The following PLEKHA8 variants were observed in gnomAD, a reference collection of about 807,000 sequenced individuals.
PLEKHA8 encodes pleckstrin homology domain-containing family A member 8.
In PLEKHA8, 36 loss-of-function variants were observed where a neutral mutation model predicts 68.2. The ratio of observed to expected loss-of-function variants is 0.53; its 90% CI spans 0.40 to 0.70. The LOEUF (loss-of-function observed/expected upper bound fraction) is 0.70, where lower values mean the gene tolerates loss of function less well. Ranked by LOEUF, PLEKHA8 falls within the 30% of genes least tolerant of loss-of-function variation. PLEKHA8 has a pLI of 0.00. For synonymous variants in PLEKHA8, 211 were observed against 216.1 expected (o/e 0.98, Z 0.20); for missense variants, 505 against 615.4 (o/e 0.82, Z 1.90).
chr7:30,045,090 C>T lies in PLEKHA8; in HGVS notation c.46C>T (p.Gln16Ter). ...YKWTNYLSGW[Q>*]PRWFLLCGGI... The stretch of plus-strand genomic sequence containing the variant: ...GCTCTTGCTTTTGTTTTCAGGTTGG[C>T]AGCCTCGATGGTTCCTTCTCTGTGG... The change falls in exon 2 of 14, where the codon CAG (glutamine) becomes TAG (stop). Residue 16 changes from glutamine (Q) to a stop codon, truncating the protein, a stop_gained. Transcript: ENST00000449726. LOFTEE classifies it high-confidence loss of function. 1 of 1,596,334 alleles carries T rather than the reference C, an allele frequency of 6.3e-7. No individual in the cohort carries two copies. The highest frequency in any genetic ancestry group is 1.4e-5 in the African/African-American group (1 of 73,674).
chr7:30,123,027 C>A (rs1394544080), intron 13 of PLEKHA8, among the ~76,000 whole-genome samples: 1 of 152,098 alleles, frequency 6.6e-6, no homozygotes, highest in African/African-American at 2.4e-5. Flanking sequence ...CTGACTTTCC[C>A]CCCCCTAAGC....
chr7:30,063,374 C>A (rs1483641171), intron 12 of PLEKHA8, among the ~76,000 whole-genome samples: 1 of 152,096 alleles, frequency 6.6e-6, no homozygotes, highest in African/African-American at 2.4e-5. Context: ...ATTTATCAGA[C>A]CAGTTTTGGA....
At chr7:30,123,068 C>A (rs1210861028) in intron 13 of PLEKHA8, among the ~76,000 whole-genome samples, 1 of 152,150 alleles carries the variant, frequency 6.6e-6, no homozygotes, top group Non-Finnish European at 1.5e-5. Flanking sequence ...TATTGACAAC[C>A]AGAAGACCAT....
chr7:30,056,775 G>GTATATATA (rs1793005322), intron 9 of PLEKHA8, among the ~76,000 whole-genome samples: 1 of 132,372 alleles, frequency 7.6e-6, no homozygotes, highest in Non-Finnish European at 1.6e-5. Flanking sequence ...GTGTGTGTGT[G>GTATATATA]TGTGTGTGTG....
chr7:30,120,160 A>G (rs1796672610), intron 13 of PLEKHA8, among the ~76,000 whole-genome samples: 1 of 143,430 alleles, frequency 7.0e-6, no homozygotes. Flanking sequence ...AATAATTAAA[A>G]AAAAAAAAAC....
At chr7:30,113,781 A>G (rs906517732) in intron 13 of PLEKHA8, among the ~76,000 whole-genome samples, 4 of 152,122 alleles carry the variant, frequency 2.6e-5, no homozygotes, top group South Asian at 4.1e-4. Context: ...ACTTAGCACA[A>G]TTTCCTCAGA....
intron 12 of PLEKHA8, among the ~76,000 whole-genome samples, chr7:30,065,973 T>A (rs1232491639): frequency 6.6e-6 from 1 of 152,156 alleles, no homozygotes; most frequent in Admixed American, 6.5e-5. Flanking sequence ...GGCCTGGCAG[T>A]CCGTGTTTTA....
In PLEKHA8 at chr7:30,046,224, A is replaced by G. The variant is rs1451741424; in HGVS notation, c.172A>G (p.Asn58Asp). 6 of 1,608,230 alleles carry G rather than the reference A, an allele frequency of 3.7e-6. No homozygotes were observed. The highest frequency in any genetic ancestry group is 5.1e-6 in the Non-Finnish European group (6 of 1,177,072). The change falls in exon 3 of 14, where the codon AAT becomes GAT. Residue 58 changes from asparagine (N) to aspartate (D), a missense_variant. Asn to Asp is a conservative substitution (Grantham distance 23). Coordinates refer to ENST00000449726, the MANE Select transcript of PLEKHA8 (RefSeq NM_001197026.2). ...CTTGCTCCCAGTTCATTCTGTAGAT[A>G]ATACACGCATGGACCTGATAATCCC... ...VCEIQVHSVD[N>D]TRMDLIIPGE...
chr7:30,035,124 G>A (rs574295192), intron 1 of PLEKHA8, among the ~76,000 whole-genome samples: 36 of 152,124 alleles, frequency 2.4e-4, no homozygotes, highest in African/African-American at 6.8e-4. Flanking sequence ...TCACAAGCCA[G>A]CATTGCACCA....
At position 30,083,546 on chromosome 7, in the gene PLEKHA8, C is replaced by T. The variant is rs1795046977; in HGVS notation, c.*4759C>T. 1 of 985,234 alleles carries T rather than the reference C, an allele frequency of 1.0e-6. No individual in the cohort carries two copies. The highest frequency in any genetic ancestry group is 1.2e-6 in the Non-Finnish European group (1 of 829,908). 61.0% of individuals were successfully genotyped at this position (985,234 alleles called of 1,614,324 possible). On this transcript the variant is annotated 3_prime_UTR_variant, in exon 14 of 14. Transcript: ENST00000449726. Reference sequence around the variant, plus strand: ...ACTGCTGCATTCAGGCACTCCAGGGCATGATTAAACAGTCATTAACAGTGC... The same window carrying T: ...ACTGCTGCATTCAGGCACTCCAGGGTATGATTAAACAGTCATTAACAGTGC...
In PLEKHA8 at chr7:30,078,997, G is replaced by A. The variant is rs1477024769; in HGVS notation, c.*210G>A. 1 of 1,326,214 alleles carries A rather than the reference G, an allele frequency of 7.5e-7. No homozygotes were observed. The highest frequency in any genetic ancestry group is 9.6e-7 in the Non-Finnish European group (1 of 1,040,378). 82.2% of individuals were successfully genotyped at this position (1,326,214 alleles called of 1,614,324 possible). On this transcript the variant is annotated 3_prime_UTR_variant, in exon 14 of 14. Transcript: ENST00000449726. ...GGTGCTATATATTTCAGTTCAGCAG[G>A]CCTACTGGAAACCAAATGATAAGCT...
chr7:30,045,272 C>A, intron 2 of PLEKHA8, 71 bp downstream of exon 2: 3 of 1,074,278 alleles, frequency 2.8e-6, no homozygotes, highest in Middle Eastern at 4.2e-4. Flanking sequence ...AAGCCCCTGG[C>A]CCCTGCATAC....
chr7:30,078,730 G>A lies in PLEKHA8; in HGVS notation c.1503G>A (p.Leu501=), dbSNP rs1794766528. ...SLYLPAMEKQ[L]AILDTLYEVH... Reference sequence around the variant, plus strand: ...ACCTCCCTGCCATGGAGAAGCAGCTGGCCATACTGGACACTTTATATGAGG... The same window carrying A: ...ACCTCCCTGCCATGGAGAAGCAGCTAGCCATACTGGACACTTTATATGAGG... Residue 501 remains leucine, a synonymous_variant, in exon 14 of 14, where the codon CTG becomes CTA. Transcript: ENST00000449726. The A allele has an allele frequency of 1.9e-6, 3 of 1,613,694 alleles. No individual in the cohort carries two copies. Among genetic ancestry groups the A allele is most frequent in the South Asian group, 2.2e-5 (2 of 91,084 alleles).
At chr7:30,100,842 A>G (rs1447128077) in intron 13 of PLEKHA8, among the ~76,000 whole-genome samples, 2 of 152,344 alleles carry the variant, frequency 1.3e-5, no homozygotes, top group East Asian at 1.9e-4. Context: ...TTCTGCAAAG[A>G]CTATTTAAGC....
chr7:30,081,852 T>C lies in PLEKHA8; in HGVS notation c.*3065T>C. ...ATGGTAAAAGCCAGTGTTTACACTTTGTAGGGATCAGGGTGTATTTGTTGA... is the reference window on the plus strand; with the variant it reads ...ATGGTAAAAGCCAGTGTTTACACTTCGTAGGGATCAGGGTGTATTTGTTGA... On this transcript the variant is annotated 3_prime_UTR_variant, in exon 14 of 14. Transcript: ENST00000449726. 1 of 985,456 alleles carries C rather than the reference T, an allele frequency of 1.0e-6. No homozygotes were observed. The highest frequency in any genetic ancestry group is 1.2e-6 in the Non-Finnish European group (1 of 829,906). 61.0% of individuals were successfully genotyped at this position (985,456 alleles called of 1,614,324 possible). A position where few individuals can be genotyped will look rare whatever the true frequency, so the allele number is the denominator to read the frequency against.
chr7:30,094,670 C>A (rs957160198), downstream of PLEKHA8, among the ~76,000 whole-genome samples: 4 of 123,120 alleles, frequency 3.2e-5, no homozygotes, highest in Admixed American at 3.3e-4. Context: ...TGCTATACCT[C>A]CCCCCTCCCC....
At chr7:30,050,691 C>T in intron 6 of PLEKHA8, 1 of 472,578 alleles carries the variant, frequency 2.1e-6, no homozygotes, top group Non-Finnish European at 3.4e-6. Context: ...TTGGCATTTT[C>T]CCTAAGATGG....
intron 12 of PLEKHA8, among the ~76,000 whole-genome samples, chr7:30,068,650 A>C (rs1407123987): frequency 6.6e-6 from 1 of 152,022 alleles, no homozygotes; most frequent in African/African-American, 2.4e-5. Context: ...TTTTTCAGTT[A>C]TGGGTTAAAA....
chr7:30,051,789 C>A (rs1288352284), intron 6 of PLEKHA8, among the ~76,000 whole-genome samples: 1 of 152,110 alleles, frequency 6.6e-6, no homozygotes, highest in Non-Finnish European at 1.5e-5. Flanking sequence ...GCCTGGCCAA[C>A]CTGGTGAAAC....
Sources: gnomAD v4.1 joint callset for allele counts (sites outside exome capture counted in the v4.1 genomes callset) on GRCh38, gnomAD v4.1.1 for gene constraint, MANE v1.5 for transcripts, NCBI Gene and HGNC (gene_info 2026-07-23, HGNC 2026-07-21) for gene names.